The following GTPBP4 variants were observed in gnomAD, a reference collection of about 807,000 sequenced individuals.
GTPBP4 encodes GTP binding protein 4.
Under a neutral mutation model 81.7 loss-of-function variants are expected in GTPBP4, and 15 were observed. That is an observed-to-expected ratio of 0.18 (90% CI 0.12 to 0.28). The LOEUF (loss-of-function observed/expected upper bound fraction) is 0.28. Among genes scored for constraint, GTPBP4 ranks in the 10% least tolerant of loss-of-function variants. GTPBP4 has a pLI of 1.00. For synonymous variants in GTPBP4, 272 were observed against 274.6 expected (o/e 0.99, Z 0.09); for missense variants, 847 against 793.8 (o/e 1.07, Z -0.81).
At chr10:1,011,167 T>G (rs775434503) in intron 13 of GTPBP4, among the ~76,000 whole-genome samples, 2 of 150,350 alleles carry the variant, frequency 1.3e-5, no homozygotes, top group Non-Finnish European at 3.0e-5. Context: ...CCCTCCATCC[T>G]GACTGTGCCC....
intron 5 of GTPBP4, among the ~76,000 whole-genome samples, chr10:998,265 A>G (rs1831567234): frequency 6.6e-6 from 1 of 151,812 alleles, no homozygotes; most frequent in African/African-American, 2.4e-5. Context: ...GCACCTGTTT[A>G]ATTTTTTTAT....
rs747549306 is a variant in GTPBP4 at position 996,126 on chromosome 10, G to A, written c.344G>A (p.Arg115Gln). 2.5e-6 allele frequency: 4 copies of A among 1,608,554 alleles called. No individual in the cohort carries two copies. The highest frequency in any genetic ancestry group is 1.1e-5 in the South Asian group (1 of 90,726). ...TACAGTGTTGCTAAAGATTATGTGCGACTGATGAAGTATGGCGACTCTCTC... is the reference window on the plus strand; with the variant it reads ...TACAGTGTTGCTAAAGATTATGTGCAACTGATGAAGTATGGCGACTCTCTC... ...LVDNVAKDYVRLMKYGDSLYR... is the reference protein window; with the variant it reads ...LVDNVAKDYVQLMKYGDSLYR... The change falls in exon 4 of 17, where the codon CGA (arginine) becomes CAA (glutamine). Residue 115 changes from arginine to glutamine, a missense_variant. Transcript: ENST00000360803.
intron 1 of GTPBP4, among the ~76,000 whole-genome samples, chr10:992,060 A>G (rs1316560337): frequency 6.6e-6 from 1 of 150,826 alleles, no homozygotes; most frequent in Admixed American, 6.6e-5. Flanking sequence ...CGTTTAGTAA[A>G]TTTTTGTAAT....
chr10:1,006,770 C>T (rs73590161), intron 9 of GTPBP4, among the ~76,000 whole-genome samples: 194 of 152,282 alleles, frequency 1.3e-3, no homozygotes, highest in African/African-American at 4.4e-3. Context: ...GCCTCCGGTT[C>T]GTGAAGGGCA....
intron 10 of GTPBP4, chr10:1,008,259 G>T (rs1200550641): frequency 1.2e-5 from 5 of 407,766 alleles, no homozygotes; most frequent in Non-Finnish European, 1.9e-5. Flanking sequence ...CTAAAACTAC[G>T]AAAATTAGTC....
chr10:1,019,713 G>A lies in GTPBP4; in HGVS notation c.*2486G>A, dbSNP rs752907841. On this transcript the variant is annotated 3_prime_UTR_variant, in exon 17 of 17. Transcript: ENST00000360803. ...GATGCTTTTCGTTTCACTGGGATCC[G>A]GGTTCAGAGTGACGTTTTTCCTCAC... is the stretch of plus-strand genomic sequence containing the variant. 8 of 1,613,794 alleles carry A rather than the reference G, an allele frequency of 5.0e-6. No homozygotes were observed. Among genetic ancestry groups the A allele is most frequent in the South Asian group, 3.3e-5 (3 of 91,078 alleles).
chr10:1,007,947 G>A (rs762520898), intron 10 of GTPBP4: 1 of 518,168 alleles, frequency 1.9e-6, no homozygotes, highest in Non-Finnish European at 3.8e-6. Flanking sequence ...TACAAAGGTT[G>A]GATTCTTGTC....
intron 8 of GTPBP4, among the ~76,000 whole-genome samples, chr10:1,002,488 T>C (rs914239667): frequency 1.3e-5 from 2 of 152,266 alleles, no homozygotes; most frequent in Non-Finnish European, 2.9e-5. Flanking sequence ...TTAATGTCTT[T>C]ACAGGTTAAG....
chr10:1,003,455 T>C (rs1003284391), intron 8 of GTPBP4, among the ~76,000 whole-genome samples: 9 of 152,232 alleles, frequency 5.9e-5, no homozygotes, highest in African/African-American at 2.2e-4. Flanking sequence ...TGATTTCTTA[T>C]TTCCTTGCTT....
At position 1,017,401 on chromosome 10, in the gene GTPBP4, G is replaced by A; in HGVS notation, c.*174G>A. The A allele has an allele frequency of 2.0e-6, 1 of 502,006 alleles. No homozygotes were observed. Among genetic ancestry groups the A allele is most frequent in the East Asian group, 3.0e-5 (1 of 32,808 alleles). 31.1% of individuals were successfully genotyped at this position (502,006 alleles called of 1,614,324 possible). A position where few individuals can be genotyped will look rare whatever the true frequency, so the allele number is the denominator to read the frequency against. Reference sequence around the variant, plus strand: ...CCCTATATAGGTGTGGGAAATTTTTGTCACTGCATAATATTACAAATATTT... The same window carrying A: ...CCCTATATAGGTGTGGGAAATTTTTATCACTGCATAATATTACAAATATTT... On this transcript the variant is annotated 3_prime_UTR_variant, in exon 17 of 17. Coordinates refer to ENST00000360803, the MANE Select transcript of GTPBP4 (RefSeq NM_012341.3).
Position 999,069 on chromosome 10 carries a change from A to T in GTPBP4, c.628A>T (p.Met210Leu). The change falls in exon 6 of 17, where the codon ATG becomes TTG. Residue 210 changes from methionine to leucine, a missense_variant. Met to Leu is a conservative substitution (Grantham distance 15, BLOSUM62 2). This residue lies in a region of GTPBP4 where 600 missense variants were observed against 557.1 expected (regional missense o/e 1.08). Coordinates refer to ENST00000360803, the MANE Select transcript of GTPBP4 (RefSeq NM_012341.3). ...AACCAAGTCTCTGTTTGTTGGGCAC[A>T]TGGATTATAAGTATCTACGTTGGCA... ...FTTKSLFVGH[M>L]DYKYLRWQVV... 1 of 1,596,400 alleles carries T rather than the reference A, an allele frequency of 6.3e-7. No homozygotes were observed.
chr10:989,420 A>G (rs1831403032), intron 1 of GTPBP4, among the ~76,000 whole-genome samples: 1 of 151,954 alleles, frequency 6.6e-6, no homozygotes, highest in South Asian at 2.1e-4. Context: ...CGGCCCTAGT[A>G]TTAGGACTTT....
chr10:1,005,379 T>C (rs1338368266), intron 8 of GTPBP4, among the ~76,000 whole-genome samples: 2 of 152,122 alleles, frequency 1.3e-5, no homozygotes, highest in African/African-American at 2.4e-5. Flanking sequence ...CCTCCTGACC[T>C]CATGATCCAC....
rs1346048094 is a variant in GTPBP4, at chr10:996,094, T to A, written c.324-12T>A. The A allele has an allele frequency of 1.8e-5, 29 of 1,590,638 alleles. No homozygotes were observed. The highest frequency in any genetic ancestry group is 2.5e-5 in the Non-Finnish European group (29 of 1,165,186). ...CGAAAGTGGAAAAAATAATATTTTTTATTTTTTACAGTGTTGCTAAAGATT... is the reference window on the plus strand; with the variant it reads ...CGAAAGTGGAAAAAATAATATTTTTAATTTTTTACAGTGTTGCTAAAGATT... On this transcript the variant is annotated splice_polypyrimidine_tract_variant and intron_variant, in intron 3 of 16. Coordinates refer to ENST00000360803, the MANE Select transcript of GTPBP4 (RefSeq NM_012341.3).
intron 5 of GTPBP4, among the ~76,000 whole-genome samples, chr10:998,261 G>C (rs1172100305): frequency 1.3e-5 from 2 of 151,948 alleles, no homozygotes; most frequent in African/African-American, 4.8e-5. Flanking sequence ...CACCGCACCT[G>C]TTTAATTTTT....
In GTPBP4 at chr10:1,008,027, G is replaced by C. The variant is rs1232182697; in HGVS notation, c.1113+899G>C. 4 of 493,566 alleles carry C rather than the reference G, an allele frequency of 8.1e-6. No individual in the cohort carries two copies. The East Asian group carries it at 2.2e-4, about 28-fold the overall frequency. The allele number at this position is 493,566 out of a possible 1,614,324, so 30.6% of individuals were successfully genotyped here. On this transcript the variant is annotated intron_variant, in intron 10 of 16. Transcript: ENST00000360803. ...AACTTCAAATGTGCTGTACATTTTTGAACTATTAACATATATTAATTTTTT... is the reference window on the plus strand; with the variant it reads ...AACTTCAAATGTGCTGTACATTTTTCAACTATTAACATATATTAATTTTTT...
intron 2 of GTPBP4, among the ~76,000 whole-genome samples, chr10:994,668 T>C (rs1564465728): frequency 6.6e-6 from 1 of 152,226 alleles, no homozygotes; most frequent in Non-Finnish European, 1.5e-5. Context: ...TTTGTGGTTC[T>C]TTTTAAGAAG....
At chr10:1,002,128 G>C (rs1373253279) in intron 8 of GTPBP4, among the ~76,000 whole-genome samples, 1 of 151,998 alleles carries the variant, frequency 6.6e-6, no homozygotes, top group Admixed American at 6.6e-5. Context: ...TTACCATACC[G>C]GCCAGGCTGG....
Position 993,916 on chromosome 10 carries a change from C to T in GTPBP4, c.219+1257C>T, listed in dbSNP as rs562057277. Among the ~76,000 whole-genome samples the T allele has an allele frequency of 3.2e-4, 49 of 151,562 alleles. No homozygotes were observed. The South Asian group carries it at 8.8e-3, about 27-fold the overall frequency. Reference sequence around the variant, plus strand: ...CTGGGATTACAGGTGCCCGCCACCACGCCCGGCTAGTTTTGTATTTTTAGT... The same window carrying T: ...CTGGGATTACAGGTGCCCGCCACCATGCCCGGCTAGTTTTGTATTTTTAGT... On this transcript the variant is annotated intron_variant, in intron 2 of 16. Transcript: ENST00000360803.
Sources: gnomAD v4.1 joint callset for allele counts (sites outside exome capture counted in the v4.1 genomes callset) on GRCh38, gnomAD v4.1.1 for gene constraint, gnomAD v4.1.1 regional missense constraint, MANE v1.5 for transcripts, NCBI Gene and HGNC (gene_info 2026-07-23, HGNC 2026-07-21) for gene names.